RAB3GAP1: variants seen among roughly 807,000 people sequenced by gnomAD.
The protein encoded by RAB3GAP1 is RAB3 GTPase activating protein catalytic subunit 1, also known as rab3 GTPase-activating protein catalytic subunit.
RAB3GAP1 carries 86 observed loss-of-function variants against 130.7 expected under a neutral mutation model. The observed-to-expected ratio is 0.66, with a 90% CI of 0.55 to 0.79. The LOEUF (loss-of-function observed/expected upper bound fraction) is 0.79, where lower values mean the gene tolerates loss of function less well. Among genes scored for constraint, RAB3GAP1 ranks in the 30% least tolerant of loss-of-function variants. RAB3GAP1 has a pLI of 0.00. For synonymous variants in RAB3GAP1, 367 were observed against 401.7 expected (o/e 0.91, Z 1.03); for missense variants, 1,029 against 1,169.4 (o/e 0.88, Z 1.75).
At chr2:135,148,498 T>G in intron 17 of RAB3GAP1, among the ~76,000 whole-genome samples, 1 of 149,016 alleles carries the variant, frequency 6.7e-6, no homozygotes, top group Non-Finnish European at 1.5e-5. Context: ...ATTCTTTTTT[T>G]TTTTTTTTTT....
At chr2:135,128,474 A>T (rs1691419309) in intron 11 of RAB3GAP1, among the ~76,000 whole-genome samples, 1 of 152,202 alleles carries the variant, frequency 6.6e-6, no homozygotes, top group Admixed American at 6.5e-5. Context: ...ATGAACAGTA[A>T]ATGGTTTCTG....
intron 23 of RAB3GAP1, chr2:135,167,627 A>C: frequency 7.6e-7 from 1 of 1,315,632 alleles, no homozygotes; most frequent in East Asian, 2.5e-5. Context: ...TCCCTTGTCT[A>C]GCCCTATTTA....
intron 17 of RAB3GAP1, among the ~76,000 whole-genome samples, chr2:135,139,935 T>A (rs1421674864): frequency 1.3e-5 from 2 of 152,222 alleles, no homozygotes. Context: ...TTTGAACCTT[T>A]TAAATGGCAT....
At chr2:135,128,557 A>C (rs1479030131) in intron 11 of RAB3GAP1, among the ~76,000 whole-genome samples, 1 of 152,154 alleles carries the variant, frequency 6.6e-6, no homozygotes, top group Non-Finnish European at 1.5e-5. Flanking sequence ...ATTATTCCTC[A>C]TCTTGTTACT....
Position 135,066,795 on chromosome 2 carries a change from A to G in RAB3GAP1, c.150+8709A>G, listed in dbSNP as rs571275766. ...TTTAGCCTTGTAATTTTATGATTCTATTTAGCTAGCAAAAATTTTAAGTAC... is the reference window on the plus strand; with the variant it reads ...TTTAGCCTTGTAATTTTATGATTCTGTTTAGCTAGCAAAAATTTTAAGTAC... On this transcript the variant is annotated intron_variant, in intron 3 of 23. Coordinates refer to ENST00000264158, the MANE Select transcript of RAB3GAP1 (RefSeq NM_012233.3). 9.0e-4 allele frequency among the ~76,000 whole-genome samples: 137 copies of G among 152,276 alleles called. 1 individual carries two copies. The highest frequency in any genetic ancestry group is 3.0e-3 in the African/African-American group (123 of 41,568).
chr2:135,056,587 A>G (rs548687782), intron 2 of RAB3GAP1, among the ~76,000 whole-genome samples: 1 of 152,328 alleles, frequency 6.6e-6, no homozygotes, highest in East Asian at 1.9e-4. Flanking sequence ...TATTTCCTGC[A>G]GTTGGGCATT....
At chr2:135,142,971 C>G (rs1691888635) in intron 17 of RAB3GAP1, among the ~76,000 whole-genome samples, 1 of 151,170 alleles carries the variant, frequency 6.6e-6, no homozygotes, top group East Asian at 1.9e-4. Flanking sequence ...AGTGTCCCCT[C>G]TTTTTCTCTT....
chr2:135,052,707 T>G (rs563298837), intron 2 of RAB3GAP1, among the ~76,000 whole-genome samples: 1 of 152,314 alleles, frequency 6.6e-6, no homozygotes, highest in South Asian at 2.1e-4. Context: ...TCCCTGAGGC[T>G]CAGGCTCTCA....
intron 3 of RAB3GAP1, among the ~76,000 whole-genome samples, chr2:135,082,442 CTTTT>C (rs746223510): frequency 7.1e-6 from 1 of 141,612 alleles, no homozygotes. Flanking sequence ...AATACACACA[CTTTT>C]TTTTTTTTTT....
intron 19 of RAB3GAP1, among the ~76,000 whole-genome samples, chr2:135,158,363 TAAGGAAGTG>T (rs535695525): frequency 8.9e-4 from 135 of 152,134 alleles, no homozygotes; most frequent in African/African-American, 3.2e-3. Flanking sequence ...TGCTCGACAC[TAAGGAAGTG>T]CTTTAAAAAA....
intron 3 of RAB3GAP1, chr2:135,089,873 G>T (rs1187037877): frequency 2.6e-6 from 1 of 391,648 alleles, no homozygotes; most frequent in South Asian, 1.8e-5. Flanking sequence ...ACTCATAAGT[G>T]TGAGTTGAAC....
At position 135,170,539 on chromosome 2, in the gene RAB3GAP1, A is replaced by G. The variant is rs992235647; in HGVS notation, c.*1758A>G. 1 of 152,232 alleles carries G rather than the reference A, an allele frequency of 6.6e-6. No individual in the cohort carries two copies. Among genetic ancestry groups the G allele is most frequent in the Admixed American group, 6.5e-5 (1 of 15,286 alleles). 9.4% of individuals were successfully genotyped at this position (152,232 alleles called of 1,614,324 possible). On this transcript the variant is annotated 3_prime_UTR_variant, in exon 24 of 24. Transcript: ENST00000264158. ...GCAATGAAGATAAAACAGAAACCAA[A>G]ACACACTCCCTTACAGGGAAAACTG...
At chr2:135,104,598 A>G (rs1384195040) in intron 5 of RAB3GAP1, among the ~76,000 whole-genome samples, 1 of 152,150 alleles carries the variant, frequency 6.6e-6, no homozygotes, top group African/African-American at 2.4e-5. Flanking sequence ...CATGCCTGTA[A>G]TGCCACCATT....
Position 135,169,011 on chromosome 2 carries a change from A to G in RAB3GAP1, c.*230A>G. 2 of 260,534 alleles carry G rather than the reference A, an allele frequency of 7.7e-6. No homozygotes were observed. Among genetic ancestry groups the G allele is most frequent in the Non-Finnish European group, 1.4e-5 (2 of 141,356 alleles). The allele number at this position is 260,534 out of a possible 1,614,324, so 16.1% of individuals were successfully genotyped here. ...CTGTTGAGAGATTTCTGCCCTAGAG[A>G]TGGCCTTTGTATATGGGGGGGTGGT... On this transcript the variant is annotated 3_prime_UTR_variant, in exon 24 of 24. Transcript: ENST00000264158.
At chr2:135,084,979 A>G (rs1260741525) in intron 3 of RAB3GAP1, among the ~76,000 whole-genome samples, 1 of 152,248 alleles carries the variant, frequency 6.6e-6, no homozygotes, top group Non-Finnish European at 1.5e-5. Flanking sequence ...AGTATACTGA[A>G]AGAATGAAGT....
chr2:135,142,151 CATCTT>C (rs1691863025), intron 17 of RAB3GAP1, among the ~76,000 whole-genome samples: 3 of 152,256 alleles, frequency 2.0e-5, no homozygotes, highest in Admixed American at 2.0e-4. Context: ...GGAGAATTGA[CATCTT>C]AATATTGAGT....
chr2:135,161,502 C>A (rs577464363), intron 19 of RAB3GAP1, among the ~76,000 whole-genome samples: 69 of 151,874 alleles, frequency 4.5e-4, no homozygotes, highest in African/African-American at 1.6e-3. Flanking sequence ...GTGAAAAAAA[C>A]CATAAAGAAA....
Position 135,135,330 on chromosome 2 carries a change from C to G in RAB3GAP1, c.1554+11C>G. The G allele has an allele frequency of 6.3e-7, 1 of 1,589,836 alleles. No homozygotes were observed. Among genetic ancestry groups the G allele is most frequent in the Non-Finnish European group, 8.6e-7 (1 of 1,158,140 alleles). ...CATCAGAAACTACAGGTAAAGATTT[C>G]TCAATGACATGGATAAATGTGGTCT... On this transcript the variant is annotated intron_variant, in intron 16 of 23. Transcript: ENST00000264158.
chr2:135,149,758 A>G (rs778685643), intron 17 of RAB3GAP1, among the ~76,000 whole-genome samples: 2 of 152,060 alleles, frequency 1.3e-5, no homozygotes, highest in Non-Finnish European at 1.5e-5. Context: ...GGTTCACGCC[A>G]TTCTCTTGCC....
Sources: allele counts gnomAD v4.1 joint callset (sites outside exome capture counted in the v4.1 genomes callset), GRCh38; gene constraint gnomAD v4.1.1; transcripts MANE v1.5; gene names NCBI Gene and HGNC (gene_info 2026-07-23, HGNC 2026-07-21).